Variants in HHAT observed in about 807,000 individuals in gnomAD.
The protein encoded by HHAT is protein-cysteine N-palmitoyltransferase HHAT.
In HHAT, 47 loss-of-function variants were observed where a neutral mutation model predicts 70.8. That is an observed-to-expected ratio of 0.66 (90% CI 0.53 to 0.85). The LOEUF is 0.85. Among genes scored for constraint, HHAT ranks in the 40% least tolerant of loss-of-function variants. The probability of loss-of-function intolerance (pLI) is 0.00; values close to 1 mark genes in which losing one functional copy is unlikely to be tolerated. For synonymous variants in HHAT, 228 were observed against 247.6 expected, an observed-to-expected ratio of 0.92 and a Z score of 0.74; for missense variants, 609 against 604.8, an observed-to-expected ratio of 1.01 and a Z score of -0.07.
chr1:210,347,283 C>G (rs1017600314), intron 1 of HHAT, among the ~76,000 whole-genome samples: 3 of 152,184 alleles, frequency 2.0e-5, no homozygotes, highest in African/African-American at 7.2e-5. Context: ...ATTTCTGGCT[C>G]TGTGACCTCA....
chr1:210,528,481 T>G (rs1383194532), intron 9 of HHAT, among the ~76,000 whole-genome samples: 1 of 152,198 alleles, frequency 6.6e-6, no homozygotes, highest in Non-Finnish European at 1.5e-5. Flanking sequence ...TGGAAATGAA[T>G]GACTAAGGAG....
chr1:210,346,584 G>A (rs1485682235), intron 1 of HHAT, among the ~76,000 whole-genome samples: 1 of 152,234 alleles, frequency 6.6e-6, no homozygotes, highest in Non-Finnish European at 1.5e-5. Flanking sequence ...GATTGCTTCT[G>A]GATCTCTTAG....
At position 210,372,731 on chromosome 1, in the gene HHAT, AAG is replaced by A. The variant is rs1263448495; in HGVS notation, c.159+9817_159+9818del. 2.0e-5 allele frequency among the ~76,000 whole-genome samples: 3 copies of A among 151,912 alleles called. No individual in the cohort carries two copies. In the East Asian group the frequency reaches 5.8e-4, roughly 29 times the overall value. On this transcript the variant is annotated intron_variant, in intron 3 of 11. Transcript: ENST00000261458. Reference sequence around the variant, plus strand: ...CTTATTAAAGCAAAGGACACAGACCAAGAGAGTGTTAGACTTTCAGTGCTTTG... The same window carrying A: ...CTTATTAAAGCAAAGGACACAGACCAAGAGTGTTAGACTTTCAGTGCTTTG...
intron 7 of HHAT, among the ~76,000 whole-genome samples, chr1:210,437,509 A>T (rs1187551400): frequency 6.6e-6 from 1 of 151,760 alleles, no homozygotes; most frequent in Non-Finnish European, 1.5e-5. Flanking sequence ...CAAATTAGGG[A>T]CTCAGCTGTG....
At chr1:210,358,487 G>A (rs902181527) in intron 2 of HHAT, among the ~76,000 whole-genome samples, 1 of 152,180 alleles carries the variant, frequency 6.6e-6, no homozygotes, top group South Asian at 2.1e-4. Context: ...GAGCCCCTAG[G>A]CCTCCAGAGT....
intron 8 of HHAT, among the ~76,000 whole-genome samples, chr1:210,484,035 G>A (rs1358099172): frequency 6.6e-6 from 1 of 152,142 alleles, no homozygotes; most frequent in Admixed American, 6.5e-5. Flanking sequence ...TTTTATTTTT[G>A]CAAGCCTCAA....
At chr1:210,546,891 G>A (rs1022001903) in intron 9 of HHAT, among the ~76,000 whole-genome samples, 2 of 152,150 alleles carry the variant, frequency 1.3e-5, no homozygotes, top group African/African-American at 4.8e-5. Flanking sequence ...TGGGGAGAGT[G>A]GAGACAGAAC....
intron 7 of HHAT, among the ~76,000 whole-genome samples, chr1:210,463,754 G>A (rs941647954): frequency 9.9e-5 from 15 of 151,610 alleles, no homozygotes; most frequent in African/African-American, 3.2e-4. Flanking sequence ...CAGCTGCCTC[G>A]CTCTACACTC....
chr1:210,398,224 G>A lies in HHAT; in HGVS notation c.274-2244G>A, dbSNP rs74952896. On this transcript the variant is annotated intron_variant, in intron 4 of 11. Coordinates refer to ENST00000261458, the MANE Select transcript of HHAT (RefSeq NM_018194.6). ...ATTCTAATATATACAACAGTTTCGT[G>A]TAGGTGATTCTTTTTGCATTATTCA... is the stretch of plus-strand genomic sequence containing the variant. Among the ~76,000 whole-genome samples, 147 of 152,318 alleles carry A rather than the reference G, an allele frequency of 9.7e-4. 1 individual carries two copies. The East Asian group carries it at 0.022, about 23-fold the overall frequency.
chr1:210,605,621 A>T (rs544030439), intron 10 of HHAT, among the ~76,000 whole-genome samples: 1 of 152,348 alleles, frequency 6.6e-6, no homozygotes, highest in South Asian at 2.1e-4. Context: ...TATTATCATT[A>T]TTCCCATTTT....
intron 9 of HHAT, among the ~76,000 whole-genome samples, chr1:210,544,367 GTTTTTTTT>G (rs569514246): frequency 2.3e-4 from 21 of 90,066 alleles, no homozygotes; most frequent in African/African-American, 6.0e-4. Context: ...TCTTTCTTTC[GTTTTTTTT>G]TTTTTTTTTT....
intron 7 of HHAT, among the ~76,000 whole-genome samples, chr1:210,441,859 T>C (rs1033697589): frequency 8.6e-5 from 13 of 152,008 alleles, no homozygotes; most frequent in African/African-American, 3.1e-4. Flanking sequence ...CACACTTTTT[T>C]TTTATTATAC....
chr1:210,577,007 T>C (rs1573457320), intron 9 of HHAT, among the ~76,000 whole-genome samples: 1 of 152,260 alleles, frequency 6.6e-6, no homozygotes, highest in East Asian at 1.9e-4. Flanking sequence ...ATTTATTGTT[T>C]ACAGGAAAGC....
intron 8 of HHAT, among the ~76,000 whole-genome samples, chr1:210,490,570 A>G (rs1164887552): frequency 6.6e-6 from 1 of 152,186 alleles, no homozygotes; most frequent in Non-Finnish European, 1.5e-5. Flanking sequence ...GGCCAAATCA[A>G]ACACCTTAGC....
In HHAT at chr1:210,550,275, GA is replaced by G. The variant is rs888354755; in HGVS notation, c.1043+37088del. 1.1e-4 allele frequency among the ~76,000 whole-genome samples: 16 copies of G among 149,202 alleles called. 3 individuals are homozygous for G. The highest frequency in any genetic ancestry group is 4.0e-4 in the African/African-American group (16 of 40,358). ...TCCTTTGTAAATGCCTTGGGTATAA[GA>G]GCCATGGTTAGTTAATATATGTACA... On this transcript the variant is annotated intron_variant, in intron 9 of 11. Transcript: ENST00000261458.
At chr1:210,391,012 A>G (rs550805809) in intron 4 of HHAT, among the ~76,000 whole-genome samples, 1 of 152,294 alleles carries the variant, frequency 6.6e-6, no homozygotes, top group African/African-American at 2.4e-5. Context: ...TTGGGTAGAT[A>G]CCCAGTAGTG....
intron 1 of HHAT, among the ~76,000 whole-genome samples, chr1:210,341,178 G>A (rs186300541): frequency 2.0e-5 from 3 of 152,204 alleles, no homozygotes; most frequent in African/African-American, 4.8e-5. Context: ...TAGAAGTGAC[G>A]ATGGTGATGC....
chr1:210,437,999 C>G (rs2093419195), intron 7 of HHAT, among the ~76,000 whole-genome samples: 1 of 151,876 alleles, frequency 6.6e-6, no homozygotes, highest in Non-Finnish European at 1.5e-5. Flanking sequence ...CCAGCAGATT[C>G]CATCATATCT....
At chr1:210,577,582 A>C (rs557830781) in intron 9 of HHAT, among the ~76,000 whole-genome samples, 2 of 144,760 alleles carry the variant, frequency 1.4e-5, no homozygotes, top group South Asian at 4.5e-4. Context: ...TTGGTTTGCT[A>C]GTATTTTGTT....
Sources: gnomAD v4.1 joint callset for allele counts (sites outside exome capture counted in the v4.1 genomes callset) on GRCh38, gnomAD v4.1.1 for gene constraint, MANE v1.5 for transcripts, NCBI Gene and HGNC (gene_info 2026-07-23, HGNC 2026-07-21) for gene names.